The following FILIP1L variants were observed in gnomAD, a reference collection of about 807,000 sequenced individuals.
FILIP1L encodes the protein filamin A-interacting protein 1-like.
A neutral mutation model predicts 96.6 loss-of-function variants in FILIP1L; 55 were observed. That is an observed-to-expected ratio of 0.57 (90% confidence interval 0.46 to 0.71). The LOEUF (loss-of-function observed/expected upper bound fraction) is 0.71, where lower values mean the gene tolerates loss of function less well. FILIP1L is among the 30% of genes least tolerant of loss of function. FILIP1L has a pLI of 0.00. For missense variants in FILIP1L, 1,304 were observed against 1,321.2 expected (o/e 0.99, Z 0.20); for synonymous variants, 467 against 473.9 (o/e 0.99, Z 0.19).
intron 1 of FILIP1L, among the ~76,000 whole-genome samples, chr3:99,981,684 GA>G (rs1709130322): frequency 6.6e-6 from 1 of 152,134 alleles, no homozygotes; most frequent in African/African-American, 2.4e-5. Context: ...AGCACCATTT[GA>G]AAAAAATTGG....
chr3:99,856,233 T>C (rs1943959011), intron 4 of FILIP1L, among the ~76,000 whole-genome samples: 2 of 152,232 alleles, frequency 1.3e-5, no homozygotes, highest in South Asian at 4.1e-4. Context: ...ATGCACTTGA[T>C]AAGAGTTTGC....
At chr3:99,991,606 C>T (rs1300999325) in intron 1 of FILIP1L, among the ~76,000 whole-genome samples, 1 of 151,918 alleles carries the variant, frequency 6.6e-6, no homozygotes, top group African/African-American at 2.4e-5. Context: ...CCCCCTGCCA[C>T]CTTCCCACCT....
chr3:100,104,479 A>C (rs987137486), intron 1 of FILIP1L, among the ~76,000 whole-genome samples: 8 of 152,198 alleles, frequency 5.3e-5, no homozygotes, highest in African/African-American at 1.9e-4. Context: ...TAAACTTTTA[A>C]ATAAAACTGT....
chr3:100,011,188 A>G (rs971744738), intron 1 of FILIP1L, among the ~76,000 whole-genome samples: 1 of 152,172 alleles, frequency 6.6e-6, no homozygotes, highest in African/African-American at 2.4e-5. Context: ...ATTAGTAAGA[A>G]GGATGTCTAT....
In FILIP1L at chr3:99,848,823, G is replaced by A. The variant is rs766560412; in HGVS notation, c.2853C>T (p.Asn951=). 2.0e-5 allele frequency: 33 copies of A among 1,613,964 alleles called. No homozygotes were observed. The highest frequency in any genetic ancestry group is 2.5e-5 in the Non-Finnish European group (29 of 1,180,014). The change falls in exon 5 of 6, where the codon AAC becomes AAT. Residue 951 remains asparagine (N), a synonymous_variant. Transcript: ENST00000477258. ...TPKQRITILQ[N]ASITPVKSKT... is the part of the protein sequence containing the mutation. ...TGGACTTTACTGGTGTTATGGAGGC[G>A]TTTTGGAGGATGGTTATCCTTTGCT...
intron 1 of FILIP1L, among the ~76,000 whole-genome samples, chr3:100,108,098 T>G (rs1387647): frequency 0.44 from 66,722 of 151,782 alleles, 15,125 homozygotes; most frequent in African/African-American, 0.53. Flanking sequence ...TAACTTAGGG[T>G]CCCAAAGAAA....
At chr3:100,103,363 T>C (rs1420067427) in intron 1 of FILIP1L, among the ~76,000 whole-genome samples, 1 of 152,106 alleles carries the variant, frequency 6.6e-6, no homozygotes, top group African/African-American at 2.4e-5. Context: ...ATTCTGAAGG[T>C]TATTATGGCC....
chr3:100,040,282 C>G (rs760507604), intron 1 of FILIP1L: 4 of 152,090 alleles, frequency 2.6e-5, no homozygotes, highest in Non-Finnish European at 4.4e-5. Context: ...TTGCATAATT[C>G]TCATCTAACT....
At chr3:100,009,335 G>A (rs745462827) in intron 1 of FILIP1L, among the ~76,000 whole-genome samples, 2 of 152,124 alleles carry the variant, frequency 1.3e-5, no homozygotes, top group Non-Finnish European at 2.9e-5. Flanking sequence ...TTTCACTGAG[G>A]GAGTTAGAGT....
intron 1 of FILIP1L, among the ~76,000 whole-genome samples, chr3:100,014,311 A>G (rs77345014): frequency 5.1e-4 from 77 of 152,252 alleles, no homozygotes; most frequent in African/African-American, 1.8e-3. Flanking sequence ...ATGAGAATGT[A>G]GATATCTTTT....
At chr3:99,990,871 T>C (rs1269636982) in intron 1 of FILIP1L, among the ~76,000 whole-genome samples, 1 of 152,184 alleles carries the variant, frequency 6.6e-6, no homozygotes. Flanking sequence ...CAGATAAATA[T>C]TTGTTGACTC....
intron 1 of FILIP1L, among the ~76,000 whole-genome samples, chr3:99,982,753 T>G (rs551275287): frequency 6.6e-6 from 1 of 152,336 alleles, no homozygotes; most frequent in African/African-American, 2.4e-5. Context: ...ATATAGTATT[T>G]CATAGAATGA....
intron 5 of FILIP1L, among the ~76,000 whole-genome samples, chr3:99,835,050 C>T (rs754092285): frequency 7.9e-5 from 12 of 152,124 alleles, no homozygotes; most frequent in Admixed American, 3.3e-4. Context: ...TCTTAAGATG[C>T]CTATTTCTTG....
chr3:100,088,168 T>C (rs1295884731), intron 1 of FILIP1L, among the ~76,000 whole-genome samples: 1 of 152,202 alleles, frequency 6.6e-6, no homozygotes, highest in Non-Finnish European at 1.5e-5. Flanking sequence ...TGTAGGTTTT[T>C]AAAGTGAAAT....
At position 99,848,364 on chromosome 3, in the gene FILIP1L, GGTT is replaced by G. The variant is rs1943468685; in HGVS notation, c.3309_3311del (p.Thr1104del). 6.2e-7 allele frequency: 1 copy of G among 1,614,022 alleles called. No homozygotes were observed. Among genetic ancestry groups the G allele is most frequent in the Admixed American group, 1.7e-5 (1 of 59,986 alleles). On this transcript the variant is annotated inframe_deletion, in exon 5 of 6. Transcript: ENST00000477258. ...TAGTAATACTGCTGGTGACTTTATTGGTTGTTTTGTTTAGTGCCCCGTTAATTA... is the reference window on the plus strand; with the variant it reads ...TAGTAATACTGCTGGTGACTTTATTGGTTTTGTTTAGTGCCCCGTTAATTA...
chr3:99,987,268 C>G (rs1391180695), intron 1 of FILIP1L, among the ~76,000 whole-genome samples: 1 of 150,626 alleles, frequency 6.6e-6, no homozygotes, highest in Non-Finnish European at 1.5e-5. Context: ...GTGGCTCACT[C>G]CTGTAATCCC....
intron 1 of FILIP1L, among the ~76,000 whole-genome samples, chr3:100,082,237 T>C (rs938376869): frequency 1.6e-4 from 25 of 152,230 alleles, no homozygotes; most frequent in African/African-American, 6.0e-4. Context: ...ATAGAATTCA[T>C]AGAATAGAAT....
chr3:99,930,177 A>AAACTATATC (rs1707431988), intron 2 of FILIP1L, 148 bp from the exon 3 acceptor site: 1 of 668,058 alleles, frequency 1.5e-6, no homozygotes, highest in Non-Finnish European at 2.5e-6. Flanking sequence ...AAAGGTAACA[A>AAACTATATC]AACTATATCC....
At chr3:99,928,917 A>G (rs1707382529) in intron 3 of FILIP1L, among the ~76,000 whole-genome samples, 1 of 152,206 alleles carries the variant, frequency 6.6e-6, no homozygotes, top group African/African-American at 2.4e-5. Context: ...GCAGATACAT[A>G]TGACCAAACT....
Sources: allele counts gnomAD v4.1 joint callset (sites outside exome capture counted in the v4.1 genomes callset), GRCh38; gene constraint gnomAD v4.1.1; transcripts MANE v1.5; gene names NCBI Gene and HGNC (gene_info 2026-07-23, HGNC 2026-07-21).